DISC1: variants seen among roughly 807,000 people sequenced by gnomAD.
DISC1 encodes DISC1 scaffold protein.
In DISC1, 57 loss-of-function variants were observed where a neutral mutation model predicts 84.5. The ratio of observed to expected loss-of-function variants is 0.67; its 90% confidence interval spans 0.55 to 0.84. DISC1 has a LOEUF of 0.84. Among genes scored for constraint, DISC1 ranks in the 40% least tolerant of loss-of-function variants. DISC1 has a pLI of 0.00. For synonymous variants in DISC1, 411 were observed against 415.2 expected (o/e 0.99, Z 0.12); for missense variants, 1,000 against 1,057.8 (o/e 0.95, Z 0.76).
At chr1:231,733,395 A>C (rs950358460) in intron 3 of DISC1, among the ~76,000 whole-genome samples, 47 of 141,200 alleles carry the variant, frequency 3.3e-4, no homozygotes, top group Non-Finnish European at 6.0e-4. Context: ...TGATGGTAGG[A>C]GTACTGGTGA....
chr1:232,028,933 A>T (rs1163660098), intron 12 of DISC1, among the ~76,000 whole-genome samples: 2 of 152,204 alleles, frequency 1.3e-5, no homozygotes, highest in African/African-American at 4.8e-5. Context: ...AGTCGAAAAA[A>T]ACAAGGCTTG....
Position 231,694,253 on chromosome 1 carries a change from C to T in DISC1, c.495C>T (p.Ser165=), listed in dbSNP as rs778277620. ...TLDASWEAAC[S]DGARRVRAAG... is the part of the protein sequence containing the mutation. ...ACGCCAGCTGGGAGGCAGCCTGCAG[C>T]GATGGAGCAAGGCGTGTCCGGGCAG... Residue 165 remains serine (S), a synonymous_variant, in exon 2 of 13, where the codon AGC becomes AGT. Coordinates refer to ENST00000439617, the MANE Select transcript of DISC1 (RefSeq NM_018662.3). 36 of 1,614,108 alleles carry T rather than the reference C, an allele frequency of 2.2e-5. No individual in the cohort carries two copies. The highest frequency in any genetic ancestry group is 2.7e-5 in the Non-Finnish European group (32 of 1,180,044).
intron 9 of DISC1, among the ~76,000 whole-genome samples, chr1:231,956,467 T>G (rs1659522106): frequency 6.6e-6 from 1 of 152,084 alleles, no homozygotes; most frequent in Admixed American, 6.5e-5. Flanking sequence ...TGCACTAACC[T>G]CCTCCATGTC....
chr1:231,844,004 C>T (rs1302818260), intron 9 of DISC1, among the ~76,000 whole-genome samples: 2 of 152,074 alleles, frequency 1.3e-5, no homozygotes, highest in African/African-American at 2.4e-5. Flanking sequence ...AAAGGAGTAT[C>T]CTAAAGAACA....
chr1:231,637,848 G>A (rs575724987), intron 1 of DISC1, among the ~76,000 whole-genome samples: 1 of 152,222 alleles, frequency 6.6e-6, no homozygotes, highest in South Asian at 2.1e-4. Context: ...TTTCCTTTGG[G>A]TAGATACACA....
intron 1 of DISC1, among the ~76,000 whole-genome samples, chr1:231,670,109 A>G (rs544467823): frequency 3.3e-4 from 50 of 152,328 alleles, no homozygotes; most frequent in African/African-American, 1.2e-3. Flanking sequence ...TAACACAGAA[A>G]CAGAAAACCA....
chr1:231,958,742 C>G lies in DISC1; in HGVS notation c.1982-86C>G, dbSNP rs547377315. On this transcript the variant is annotated intron_variant, in intron 9 of 12. Coordinates refer to ENST00000439617, the MANE Select transcript of DISC1 (RefSeq NM_018662.3). Reference sequence around the variant, plus strand: ...GATTACTAGTGGCTTGACCTCAATCCTTTGGCTTTGAGCTTTTAGTTGAAT... The same window carrying G: ...GATTACTAGTGGCTTGACCTCAATCGTTTGGCTTTGAGCTTTTAGTTGAAT... 8 of 1,355,952 alleles carry G rather than the reference C, an allele frequency of 5.9e-6. No homozygotes were observed. The South Asian group carries it at 9.7e-5, about 16-fold the overall frequency. The allele number at this position is 1,355,952 out of a possible 1,614,324, so 84.0% of individuals were successfully genotyped here. A position where few individuals can be genotyped will look rare whatever the true frequency, so the allele number is the denominator to read the frequency against.
intron 9 of DISC1, among the ~76,000 whole-genome samples, chr1:231,881,688 G>C (rs2086301746): frequency 6.6e-6 from 1 of 152,112 alleles, no homozygotes; most frequent in African/African-American, 2.4e-5. Flanking sequence ...CCTTCACCAT[G>C]CACTGGGGCA....
intron 4 of DISC1, chr1:231,750,439 A>G: frequency 2.9e-6 from 3 of 1,024,754 alleles, no homozygotes; most frequent in South Asian, 8.3e-5. Context: ...AGATAAACAG[A>G]TGGTCCCCTC....
intron 3 of DISC1, among the ~76,000 whole-genome samples, chr1:231,746,693 G>A (rs1476401407): frequency 6.6e-6 from 1 of 152,014 alleles, no homozygotes; most frequent in African/African-American, 2.4e-5. Context: ...ATTTTGATTT[G>A]CATATACCTG....
chr1:231,733,884 T>TG (rs2072069010), intron 3 of DISC1, among the ~76,000 whole-genome samples: 2 of 142,726 alleles, frequency 1.4e-5, no homozygotes, highest in Middle Eastern at 4.1e-3. Context: ...TTGTGATGGT[T>TG]GGGGGGTGGT....
intron 3 of DISC1, among the ~76,000 whole-genome samples, chr1:231,722,270 T>A (rs999105410): frequency 1.3e-5 from 2 of 152,086 alleles, no homozygotes; most frequent in Admixed American, 6.6e-5. Context: ...TTCTTTTTCA[T>A]GTTTGATAGA....
At chr1:231,858,579 ATTTACTAT>A (rs1449234199) in intron 9 of DISC1, among the ~76,000 whole-genome samples, 5 of 151,986 alleles carry the variant, frequency 3.3e-5, no homozygotes, top group African/African-American at 1.2e-4. Flanking sequence ...CAACCTTCTT[ATTTACTAT>A]TCCACACACT....
chr1:231,799,817 T>C (rs1395429233), intron 7 of DISC1, among the ~76,000 whole-genome samples: 1 of 146,524 alleles, frequency 6.8e-6, no homozygotes, highest in Non-Finnish European at 1.5e-5. Flanking sequence ...TTCTTCTTCC[T>C]ACATTTCCCT....
At chr1:231,995,755 G>C (rs1191605671) in intron 10 of DISC1, among the ~76,000 whole-genome samples, 6 of 151,254 alleles carry the variant, frequency 4.0e-5, no homozygotes, top group Non-Finnish European at 8.8e-5. Flanking sequence ...GGACATTTGG[G>C]TTGGTTCCAA....
intron 8 of DISC1, 84 bp downstream of exon 8, chr1:231,800,294 C>T: frequency 9.5e-7 from 1 of 1,058,070 alleles, no homozygotes. Context: ...CCTCGATGAA[C>T]ATTCCACTGT....
rs147879788 is a variant in DISC1 at position 231,778,663 on chromosome 1, A to G, written c.1634+7593A>G. ...GCAACGTGGAAAAGTTTACCAGACT[A>G]TAATCTGGTAAAGGAGGAAGAGGAT... On this transcript the variant is annotated intron_variant, in intron 6 of 12. Transcript: ENST00000439617. Among the ~76,000 whole-genome samples the G allele has an allele frequency of 7.2e-5, 11 of 152,316 alleles. 1 individual carries two copies. In the East Asian group the frequency reaches 1.5e-3, roughly 21 times the overall value.
chr1:231,712,402 A>G (rs2067992193), intron 3 of DISC1, among the ~76,000 whole-genome samples: 1 of 152,242 alleles, frequency 6.6e-6, no homozygotes, highest in African/African-American at 2.4e-5. Context: ...TGCAGCTCCA[A>G]CTTTGTTTCC....
At position 231,771,542 on chromosome 1, in the gene DISC1, G is replaced by A. The variant is rs2076549088; in HGVS notation, c.1634+472G>A. The A allele has an allele frequency of 6.1e-6, 6 of 985,408 alleles. No individual in the cohort carries two copies. In the South Asian group the frequency reaches 2.3e-4, roughly 39 times the overall value. The allele number at this position is 985,408 out of a possible 1,614,324, so 61.0% of individuals were successfully genotyped here. ...TACTGGTAGCTAAAATGTATTGGGT[G>A]CTTACCATGTACCAGGCAGTGTTAT... On this transcript the variant is annotated intron_variant, in intron 6 of 12. Coordinates refer to ENST00000439617, the MANE Select transcript of DISC1 (RefSeq NM_018662.3).
Sources: allele counts gnomAD v4.1 joint callset (sites outside exome capture counted in the v4.1 genomes callset), GRCh38; gene constraint gnomAD v4.1.1; transcripts MANE v1.5; gene names NCBI Gene and HGNC (gene_info 2026-07-23, HGNC 2026-07-21).